Variants in PALD1 observed in about 807,000 individuals in gnomAD.
PALD1 encodes paladin.
PALD1 carries 57 observed loss-of-function variants against 96.0 expected under a neutral mutation model. That is an observed-to-expected ratio of 0.59 (90% CI 0.48 to 0.74). The LOEUF (loss-of-function observed/expected upper bound fraction) is 0.74. Among genes scored for constraint, PALD1 ranks in the 30% least tolerant of loss-of-function variants. The pLI, the probability that PALD1 is intolerant of heterozygous loss-of-function variation, is 0.00. For missense variants in PALD1, 1,063 were observed against 1,143.7 expected (o/e 0.93, Z 1.02); for synonymous variants, 464 against 473.6 (o/e 0.98, Z 0.26).
rs1409697346 is a variant in PALD1, at chr10:70,533,017, G to A, written c.817G>A (p.Glu273Lys). The A allele has an allele frequency of 3.2e-6, 5 of 1,585,162 alleles. No homozygotes were observed. Among genetic ancestry groups the A allele is most frequent in the South Asian group, 1.1e-5 (1 of 87,070 alleles). ...TYRYHRLPLPEQGSPLEAQLD... is the reference protein window; with the variant it reads ...TYRYHRLPLPKQGSPLEAQLD... ...CAGGTACCACCGCCTGCCCCTGCCC[G>A]AGCAAGGGAGTCCCCTGGAGGCCCA... is the stretch of plus-strand genomic sequence containing the variant. The change falls in exon 7 of 20, where the codon GAG becomes AAG. Residue 273 changes from glutamate to lysine, a missense_variant. Physicochemically the swap from Glu to Lys is moderately conservative, Grantham distance 56 (BLOSUM62 1). Coordinates refer to ENST00000263563, the MANE Select transcript of PALD1 (RefSeq NM_014431.3).
At position 70,568,374 on chromosome 10, in the gene PALD1, G is replaced by A. The variant is rs1359473013; in HGVS notation, c.*1641G>A. The A allele has an allele frequency of 6.8e-6, 1 of 147,878 alleles. No individual in the cohort carries two copies. The highest frequency in any genetic ancestry group is 1.5e-5 in the Non-Finnish European group (1 of 67,408). 9.2% of individuals were successfully genotyped at this position (147,878 alleles called of 1,614,324 possible). On this transcript the variant is annotated 3_prime_UTR_variant, in exon 20 of 20. Coordinates refer to ENST00000263563, the MANE Select transcript of PALD1 (RefSeq NM_014431.3). ...TAATACTTGCCTACCTACCTCACAGGGGTGTTGTGAGGATTCATTTGTGAT... is the reference window on the plus strand; with the variant it reads ...TAATACTTGCCTACCTACCTCACAGAGGTGTTGTGAGGATTCATTTGTGAT...
At chr10:70,462,490 T>A in the PALD1 span, among the ~76,000 whole-genome samples, 8 of 152,262 alleles carry the variant, frequency 5.3e-5, no homozygotes, top group Admixed American at 1.3e-4. Context: ...GCTTTTATCA[T>A]TGAACAATTC....
At chr10:70,537,168 T>A (rs1589205697) in intron 10 of PALD1, among the ~76,000 whole-genome samples, 2 of 151,450 alleles carry the variant, frequency 1.3e-5, no homozygotes, top group South Asian at 4.2e-4. Flanking sequence ...AGTGCAACGG[T>A]GAGATCATAG....
chr10:70,523,769 G>T (rs1410876075), intron 1 of PALD1, among the ~76,000 whole-genome samples: 3 of 152,078 alleles, frequency 2.0e-5, no homozygotes, highest in African/African-American at 7.2e-5. Flanking sequence ...GGGGTTGGGG[G>T]TGGGAGGATC....
intron 18 of PALD1, among the ~76,000 whole-genome samples, chr10:70,562,087 T>TGAGA (rs1386460693): frequency 6.6e-6 from 1 of 152,212 alleles, no homozygotes; most frequent in African/African-American, 2.4e-5. Flanking sequence ...ACGTGCCTTC[T>TGAGA]CATCCCTCAC....
chr10:70,489,561 G>A (rs568353974), intron 1 of PALD1, among the ~76,000 whole-genome samples: 1 of 152,248 alleles, frequency 6.6e-6, no homozygotes, highest in African/African-American at 2.4e-5. Flanking sequence ...TGTAGGGGGA[G>A]GGGAGGACCT....
In PALD1 at chr10:70,547,365, C is replaced by T. The variant is rs769725037; in HGVS notation, c.2181C>T (p.Asp727=). 34 of 1,612,356 alleles carry T rather than the reference C, an allele frequency of 2.1e-5. No individual in the cohort carries two copies. The Admixed American group carries it at 3.2e-4, about 15-fold the overall frequency. The change falls in exon 18 of 20, where the codon GAC becomes GAT. Residue 727 remains aspartate, a synonymous_variant. Coordinates refer to ENST00000263563, the MANE Select transcript of PALD1 (RefSeq NM_014431.3). ...GGCACCGTGTGAAGAAGGAGGTGGA[C>T]GCAGCGCTGGACACTGTCAGCGAGA... ...PDGHRVKKEV[D]AALDTVSETM...
intron 17 of PALD1, among the ~76,000 whole-genome samples, chr10:70,546,809 G>A (rs955168783): frequency 1.1e-4 from 17 of 152,308 alleles, no homozygotes; most frequent in Admixed American, 1.0e-3. Flanking sequence ...ATATTAGCCA[G>A]GCGTGGTGGC....
chr10:70,476,736 G>A (rs182262824), upstream of PALD1, among the ~76,000 whole-genome samples: 30 of 152,256 alleles, frequency 2.0e-4, no homozygotes, highest in Non-Finnish European at 2.2e-4. Context: ...GAGTACAAAT[G>A]AATGTATGGA....
intron 1 of PALD1, among the ~76,000 whole-genome samples, chr10:70,507,398 G>C (rs982861292): frequency 6.6e-6 from 1 of 152,250 alleles, no homozygotes; most frequent in East Asian, 1.9e-4. Flanking sequence ...GGCTACAAGA[G>C]CGAAACTCTG....
At chr10:70,527,576 A>C (rs2132356211) in intron 2 of PALD1, among the ~76,000 whole-genome samples, 1 of 152,368 alleles carries the variant, frequency 6.6e-6, no homozygotes, top group South Asian at 2.1e-4. Context: ...CCACAAAGCA[A>C]GTATTTACTG....
chr10:70,462,560 G>T, the PALD1 span, among the ~76,000 whole-genome samples: 8 of 152,236 alleles, frequency 5.3e-5, no homozygotes, highest in Admixed American at 1.3e-4. Context: ...GTTGCACTGG[G>T]CACAATTGTG....
chr10:70,548,933 G>T (rs1378747144), intron 18 of PALD1, among the ~76,000 whole-genome samples: 2 of 151,778 alleles, frequency 1.3e-5, no homozygotes, highest in Non-Finnish European at 2.9e-5. Context: ...CAGGCCAGGG[G>T]AAGAGTGGCT....
Position 70,566,711 on chromosome 10 carries a change from C to A in PALD1, c.2549C>A (p.Ser850Tyr). ...GAGCAGAGCTGCAGCCTCGAGCCCTCTGCCCCCGAGGACTTGCTGTAGGGG... is the reference window on the plus strand; with the variant it reads ...GAGCAGAGCTGCAGCCTCGAGCCCTATGCCCCCGAGGACTTGCTGTAGGGG... Reference protein sequence around the residue: ...WQEQSCSLEPSAPEDLL With the variant: ...WQEQSCSLEPYAPEDLL The change falls in exon 20 of 20, where the codon TCT (serine) becomes TAT (tyrosine). Residue 850 changes from serine to tyrosine, a missense_variant. Physicochemically the swap from Ser to Tyr is moderately radical, Grantham distance 144. Coordinates refer to ENST00000263563, the MANE Select transcript of PALD1 (RefSeq NM_014431.3). 2 of 1,602,674 alleles carry A rather than the reference C, an allele frequency of 1.2e-6. No homozygotes were observed. The highest frequency in any genetic ancestry group is 8.5e-7 in the Non-Finnish European group (1 of 1,176,276).
chr10:70,510,584 C>G (rs1049580133), intron 1 of PALD1, among the ~76,000 whole-genome samples: 1 of 152,172 alleles, frequency 6.6e-6, no homozygotes, highest in African/African-American at 2.4e-5. Flanking sequence ...TTGACCAGCT[C>G]CTTCCTAATT....
At chr10:70,542,047 T>G (rs1013703104) in intron 17 of PALD1, among the ~76,000 whole-genome samples, 5 of 152,128 alleles carry the variant, frequency 3.3e-5, no homozygotes, top group African/African-American at 1.2e-4. Flanking sequence ...CGTGGCAACG[T>G]CCCTCGGAGT....
intron 1 of PALD1, among the ~76,000 whole-genome samples, chr10:70,497,242 G>GGGAT (rs1045708055): frequency 6.6e-6 from 1 of 152,250 alleles, no homozygotes; most frequent in Admixed American, 6.5e-5. Context: ...TCTTGAGCCT[G>GGGAT]GGATGGTGCA....
intron 19 of PALD1, among the ~76,000 whole-genome samples, chr10:70,565,463 TA>T (rs1847825425): frequency 6.6e-6 from 1 of 152,202 alleles, no homozygotes; most frequent in South Asian, 2.1e-4. Context: ...CTGGCAGTTC[TA>T]ATCTGGACTG....
chr10:70,523,174 G>C (rs565181291), intron 1 of PALD1, among the ~76,000 whole-genome samples: 1 of 152,362 alleles, frequency 6.6e-6, no homozygotes, highest in South Asian at 2.1e-4. Context: ...CAGGGCACCA[G>C]CTGTAGCCTG....
Sources: allele counts gnomAD v4.1 joint callset (sites outside exome capture counted in the v4.1 genomes callset), GRCh38; gene constraint gnomAD v4.1.1; transcripts MANE v1.5; gene names NCBI Gene and HGNC (gene_info 2026-07-23, HGNC 2026-07-21).